Variants in TMEM74 observed in about 807,000 individuals in gnomAD.
TMEM74 encodes transmembrane protein 74.
TMEM74 carries 13 observed loss-of-function variants against 18.1 expected under a neutral mutation model. The ratio of observed to expected loss-of-function variants is 0.72; its 90% CI spans 0.47 to 1.14. The LOEUF (loss-of-function observed/expected upper bound fraction) is 1.14. Among genes scored for constraint, TMEM74 ranks in the 50% most tolerant of loss-of-function variants. The probability of loss-of-function intolerance (pLI) is 0.00; values close to 1 mark genes in which losing one functional copy is unlikely to be tolerated. For missense variants in TMEM74, 372 were observed against 375.9 expected (o/e 0.99, Z 0.09); for synonymous variants, 159 against 146.6 (o/e 1.08, Z -0.61).
intron 2 of TMEM74, among the ~76,000 whole-genome samples, chr8:108,640,497 G>A (rs1208031016): frequency 6.6e-6 from 1 of 151,950 alleles, no homozygotes; most frequent in African/African-American, 2.4e-5. Context: ...TTGATTATAT[G>A]TTTAAAATAT....
chr8:108,677,866 A>G (rs1344321105), intron 1 of TMEM74, among the ~76,000 whole-genome samples: 1 of 152,190 alleles, frequency 6.6e-6, no homozygotes, highest in Non-Finnish European at 1.5e-5. Context: ...ACTTGCATAT[A>G]AGGAAACATT....
At chr8:108,617,827 C>T (rs903252175) in intron 2 of TMEM74, among the ~76,000 whole-genome samples, 7 of 152,018 alleles carry the variant, frequency 4.6e-5, no homozygotes, top group Non-Finnish European at 7.4e-5. Flanking sequence ...TGGGACTCCC[C>T]TAATTTCAAG....
chr8:108,715,500 T>TA (rs1563533556), intron 1 of TMEM74, among the ~76,000 whole-genome samples: 2 of 151,978 alleles, frequency 1.3e-5, no homozygotes, highest in South Asian at 2.1e-4. Flanking sequence ...AATCATCATT[T>TA]AAAAAAAACT....
chr8:108,608,944 A>T (rs1335344898), intron 2 of TMEM74: 1 of 152,250 alleles, frequency 6.6e-6, no homozygotes, highest in Non-Finnish European at 1.5e-5. Flanking sequence ...GCCAAACCCA[A>T]ATTGTATGAA....
At chr8:108,717,946 T>TAAAAGGACCCCC (rs1232594766) in intron 1 of TMEM74, among the ~76,000 whole-genome samples, 1 of 39,884 alleles carries the variant, frequency 2.5e-5, no homozygotes, top group South Asian at 7.1e-4. Context: ...ACTTAGGTTT[T>TAAAAGGACCCCC]TTTTTTTTTT....
At chr8:108,697,459 C>G (rs947453629) in intron 1 of TMEM74, among the ~76,000 whole-genome samples, 1 of 152,162 alleles carries the variant, frequency 6.6e-6, no homozygotes, top group Non-Finnish European at 1.5e-5. Context: ...GCTCTGTCAT[C>G]CAGGCTGAGG....
intron 2 of TMEM74, among the ~76,000 whole-genome samples, chr8:108,621,556 G>T (rs34449134): frequency 6.6e-6 from 1 of 152,126 alleles, no homozygotes; most frequent in African/African-American, 2.4e-5. Flanking sequence ...CAGGGTATCA[G>T]CTGCGTCTGT....
chr8:108,616,563 T>C (rs1812385986), intron 2 of TMEM74, among the ~76,000 whole-genome samples: 1 of 152,218 alleles, frequency 6.6e-6, no homozygotes, highest in Admixed American at 6.5e-5. Context: ...TTTTATTATT[T>C]GATCTGGCAT....
At chr8:108,752,875 T>G (rs903599280) in intron 1 of TMEM74, among the ~76,000 whole-genome samples, 2 of 152,110 alleles carry the variant, frequency 1.3e-5, no homozygotes, top group African/African-American at 4.8e-5. Flanking sequence ...ACCAGTTCAC[T>G]GGCCCTTTTT....
chr8:108,704,873 C>T (rs1402365249), intron 1 of TMEM74, among the ~76,000 whole-genome samples: 1 of 152,208 alleles, frequency 6.6e-6, no homozygotes, highest in Non-Finnish European at 1.5e-5. Flanking sequence ...GTCAAACTGT[C>T]AGCAAAGTTT....
At position 108,784,936 on chromosome 8, in the gene TMEM74, T is replaced by A. The variant is rs1215245506; in HGVS notation, c.163A>T (p.Met55Leu). Residue 55 changes from methionine to leucine, a missense_variant, in exon 2 of 2, where the codon ATG (methionine) becomes TTG (leucine). Physicochemically the swap from Met to Leu is conservative, Grantham distance 15. Transcript: ENST00000297459. ...QCASTPRATE[M>L]EGSKLSSSPA... ...GAAGAACTAAGTTTAGACCCTTCCA[T>A]CTCGGTTGCTCTTGGGGTGGATGCA... The A allele has an allele frequency of 6.2e-7, 1 of 1,614,098 alleles. No homozygotes were observed. Among genetic ancestry groups the A allele is most frequent in the Admixed American group, 1.7e-5 (1 of 60,030 alleles).
intron 1 of TMEM74, among the ~76,000 whole-genome samples, chr8:108,673,079 A>G (rs1053713870): frequency 7.2e-5 from 11 of 152,214 alleles, no homozygotes; most frequent in Middle Eastern, 3.2e-3. Flanking sequence ...TCTGAAGGAC[A>G]TAGATTCAAA....
At chr8:108,733,410 T>G (rs1813715784) in intron 1 of TMEM74, among the ~76,000 whole-genome samples, 1 of 152,146 alleles carries the variant, frequency 6.6e-6, no homozygotes, top group Non-Finnish European at 1.5e-5. Context: ...AATTTATGAT[T>G]CAGTTTATAA....
At chr8:108,681,305 G>C (rs886372800) in intron 1 of TMEM74, among the ~76,000 whole-genome samples, 1 of 152,050 alleles carries the variant, frequency 6.6e-6, no homozygotes, top group African/African-American at 2.4e-5. Flanking sequence ...CATGGTACTG[G>C]TACCAAAACA....
At chr8:108,752,750 A>C (rs1370901930) in intron 1 of TMEM74, among the ~76,000 whole-genome samples, 4 of 151,972 alleles carry the variant, frequency 2.6e-5, no homozygotes, top group Non-Finnish European at 4.4e-5. Context: ...TCCCACTACA[A>C]CTGTTCTTAC....
intron 1 of TMEM74, among the ~76,000 whole-genome samples, chr8:108,764,506 C>T (rs1450886870): frequency 6.6e-6 from 1 of 152,166 alleles, no homozygotes; most frequent in Non-Finnish European, 1.5e-5. Flanking sequence ...ATGCCATGTA[C>T]ATTTTTTTCC....
chr8:108,687,840 C>G (rs1004519475), intron 1 of TMEM74, among the ~76,000 whole-genome samples: 2 of 152,056 alleles, frequency 1.3e-5, no homozygotes, highest in African/African-American at 4.8e-5. Context: ...AAGCTTTGCT[C>G]GCTCACCCAC....
intron 1 of TMEM74, among the ~76,000 whole-genome samples, chr8:108,660,735 T>C (rs564184171): frequency 6.6e-6 from 1 of 152,292 alleles, no homozygotes. Context: ...CTTTTTGTTA[T>C]ACTTCATTGT....
chr8:108,626,819 C>T, intron 2 of TMEM74: 1 of 152,096 alleles, frequency 6.6e-6, no homozygotes, highest in East Asian at 1.9e-4. Context: ...TACATTTTAT[C>T]AACACTTCAT....
Sources: gnomAD v4.1 joint callset for allele counts (sites outside exome capture counted in the v4.1 genomes callset) on GRCh38, gnomAD v4.1.1 for gene constraint, MANE v1.5 for transcripts, NCBI Gene and HGNC (gene_info 2026-07-23, HGNC 2026-07-21) for gene names.